TENM3: variants seen among roughly 807,000 people sequenced by gnomAD.
TENM3 encodes the protein teneurin transmembrane protein 3, also known as teneurin-3.
TENM3 carries 63 observed loss-of-function variants against 255.1 expected under a neutral mutation model. That is an observed-to-expected ratio of 0.25 (90% confidence interval 0.20 to 0.30). TENM3 has a LOEUF of 0.30. Among genes scored for constraint, TENM3 ranks in the 10% least tolerant of loss-of-function variants. TENM3 has a pLI of 1.00. For missense variants in TENM3, 2,929 were observed against 3,461.1 expected (o/e 0.85, Z 3.86); for synonymous variants, 1,306 against 1,322.3 (o/e 0.99, Z 0.27).
chr4:182,253,801 G>C (rs986456032), intron 1 of TENM3, among the ~76,000 whole-genome samples: 2 of 152,112 alleles, frequency 1.3e-5, no homozygotes, highest in Admixed American at 1.3e-4. Flanking sequence ...AAGAGGGATT[G>C]AAAGTGAAGT....
At chr4:182,148,928 A>C (rs1020184066) in intron 1 of TENM3, among the ~76,000 whole-genome samples, 3 of 152,064 alleles carry the variant, frequency 2.0e-5, no homozygotes, top group African/African-American at 7.2e-5. Context: ...CACAGAATAT[A>C]AGATTAATAT....
chr4:181,620,571 G>A, the TENM3 span, among the ~76,000 whole-genome samples: 1 of 151,038 alleles, frequency 6.6e-6, no homozygotes, highest in Non-Finnish European at 1.5e-5. Flanking sequence ...AACTCTCAAT[G>A]TTTCATGCAG....
the TENM3 span, among the ~76,000 whole-genome samples, chr4:181,841,218 A>G: frequency 6.6e-6 from 1 of 152,144 alleles, no homozygotes; most frequent in Non-Finnish European, 1.5e-5. Context: ...TCATATAATA[A>G]ATACTCTTCT....
At chr4:182,739,608 G>C (rs28510496) in intron 18 of TENM3, among the ~76,000 whole-genome samples, 98,111 of 152,128 alleles carry the variant, frequency 0.64, 32,001 homozygotes, top group East Asian at 0.8. Flanking sequence ...CTAATGGTCA[G>C]TTTTTCATAT....
At chr4:182,102,790 C>T in the TENM3 span, among the ~76,000 whole-genome samples, 48,336 of 151,948 alleles carry the variant, frequency 0.32, 7,845 homozygotes, top group South Asian at 0.35. Flanking sequence ...AGTCTCCTTA[C>T]CTATAAACTG....
At chr4:182,027,366 G>GT in the TENM3 span, among the ~76,000 whole-genome samples, 1 of 152,012 alleles carries the variant, frequency 6.6e-6, no homozygotes, top group African/African-American at 2.4e-5. Context: ...AGTTCTAATA[G>GT]TTTTTTATGG....
At chr4:182,262,358 C>T (rs763551953) in intron 1 of TENM3, among the ~76,000 whole-genome samples, 14 of 152,132 alleles carry the variant, frequency 9.2e-5, no homozygotes, top group African/African-American at 1.4e-4. Flanking sequence ...GGTGCATTTT[C>T]GGACAGTGAA....
the TENM3 span, among the ~76,000 whole-genome samples, chr4:181,846,907 A>C: frequency 6.6e-6 from 1 of 152,242 alleles, no homozygotes; most frequent in Admixed American, 6.5e-5. Context: ...AAATGCATTT[A>C]AATATAGAAC....
upstream of TENM3, among the ~76,000 whole-genome samples, chr4:182,239,039 G>A (rs1162039087): frequency 1.1e-5 from 1 of 90,466 alleles, no homozygotes; most frequent in Non-Finnish European, 2.4e-5. Flanking sequence ...CTTTATGTGT[G>A]TGTGTGTGTG....
At chr4:181,985,923 T>C in the TENM3 span, among the ~76,000 whole-genome samples, 1 of 152,022 alleles carries the variant, frequency 6.6e-6, no homozygotes, top group Non-Finnish European at 1.5e-5. Context: ...GCACCCTTTT[T>C]CCCCTCTTTC....
intron 1 of TENM3, among the ~76,000 whole-genome samples, chr4:182,307,325 G>C (rs947639675): frequency 6.6e-6 from 1 of 152,172 alleles, no homozygotes; most frequent in African/African-American, 2.4e-5. Flanking sequence ...ATCGTAATCT[G>C]TGCTAATTGG....
At chr4:181,977,542 G>C in the TENM3 span, among the ~76,000 whole-genome samples, 1 of 152,088 alleles carries the variant, frequency 6.6e-6, no homozygotes, top group Non-Finnish European at 1.5e-5. Flanking sequence ...GCTGCATTAA[G>C]GATGTTTTAC....
chr4:181,588,138 T>C, the TENM3 span, among the ~76,000 whole-genome samples: 2 of 152,166 alleles, frequency 1.3e-5, no homozygotes, highest in African/African-American at 4.8e-5. Flanking sequence ...GCCCACTCTT[T>C]TGAAGCCAGC....
At chr4:182,408,180 T>C (rs1471617870) in intron 3 of TENM3, among the ~76,000 whole-genome samples, 1 of 152,232 alleles carries the variant, frequency 6.6e-6, no homozygotes, top group Admixed American at 6.5e-5. Context: ...TTTTCCTTTT[T>C]AGGTTCTGTT....
the TENM3 span, among the ~76,000 whole-genome samples, chr4:182,117,133 G>A: frequency 6.6e-6 from 1 of 152,136 alleles, no homozygotes; most frequent in Non-Finnish European, 1.5e-5. Context: ...TAATCAAGTT[G>A]TTAATTTTCT....
the TENM3 span, among the ~76,000 whole-genome samples, chr4:181,511,567 G>A: frequency 6.6e-6 from 1 of 152,220 alleles, no homozygotes; most frequent in Non-Finnish European, 1.5e-5. Context: ...CACTCTGAGA[G>A]CCATGTCTGT....
chr4:181,454,813 G>A, the TENM3 span, among the ~76,000 whole-genome samples: 1 of 151,540 alleles, frequency 6.6e-6, no homozygotes, highest in Non-Finnish European at 1.5e-5. Context: ...AATAGGCTGT[G>A]CTTTACAGCC....
the TENM3 span, among the ~76,000 whole-genome samples, chr4:181,534,574 G>A: frequency 2.0e-5 from 3 of 151,954 alleles, no homozygotes; most frequent in Non-Finnish European, 4.4e-5. Flanking sequence ...TGTCTGCTAT[G>A]ACTGGTCTGA....
the TENM3 span, among the ~76,000 whole-genome samples, chr4:181,997,410 C>T: frequency 1.3e-5 from 2 of 152,096 alleles, no homozygotes; most frequent in East Asian, 1.9e-4. Context: ...TCAATGTTCC[C>T]GAAGTGCTGT....
Sources: gnomAD v4.1 joint callset for allele counts (sites outside exome capture counted in the v4.1 genomes callset) on GRCh38, gnomAD v4.1.1 for gene constraint, MANE v1.5 for transcripts, NCBI Gene and HGNC (gene_info 2026-07-23, HGNC 2026-07-21) for gene names.